Variants in PCDHA1 observed in about 807,000 individuals in gnomAD.
The protein encoded by PCDHA1 is protocadherin alpha-1.
Under a neutral mutation model 61.3 loss-of-function variants are expected in PCDHA1, and 42 were observed. The ratio of observed to expected loss-of-function variants is 0.69; its 90% CI spans 0.54 to 0.89. The LOEUF (loss-of-function observed/expected upper bound fraction) is 0.89. PCDHA1 is among the 40% of genes least tolerant of loss of function. The probability of loss-of-function intolerance (pLI) is 0.00; values close to 1 mark genes in which losing one functional copy is unlikely to be tolerated. For synonymous variants in PCDHA1, 610 were observed against 553.8 expected (o/e 1.10, Z -1.43); for missense variants, 1,256 against 1,235.3 (o/e 1.02, Z -0.25).
chr5:141,006,979 G>T (rs1236461454), intron 3 of PCDHA1, among the ~76,000 whole-genome samples: 1 of 152,156 alleles, frequency 6.6e-6, no homozygotes, highest in Non-Finnish European at 1.5e-5. Context: ...ACAGAGAGAT[G>T]TGGGCTTAAA....
intron 1 of PCDHA1, among the ~76,000 whole-genome samples, chr5:140,790,649 G>T (rs1282599240): frequency 6.6e-6 from 1 of 152,190 alleles, no homozygotes; most frequent in Non-Finnish European, 1.5e-5. Flanking sequence ...GGAAAAAATA[G>T]ATCAGAAAAT....
intron 1 of PCDHA1, among the ~76,000 whole-genome samples, chr5:140,840,357 T>G (rs1554137775): frequency 6.6e-6 from 1 of 151,884 alleles, no homozygotes; most frequent in Non-Finnish European, 1.5e-5. Flanking sequence ...CAGGTAAAAA[T>G]GTCAGGTAGA....
intron 1 of PCDHA1, among the ~76,000 whole-genome samples, chr5:140,900,353 C>T (rs1426808430): frequency 6.6e-6 from 1 of 152,092 alleles, no homozygotes; most frequent in Non-Finnish European, 1.5e-5. Flanking sequence ...TCTTGGCTCA[C>T]CGCAACCTCT....
At chr5:140,880,687 C>G (rs999356626) in intron 1 of PCDHA1, among the ~76,000 whole-genome samples, 1 of 152,130 alleles carries the variant, frequency 6.6e-6, no homozygotes, top group Non-Finnish European at 1.5e-5. Context: ...AGAGAATAGT[C>G]ATGGTTAAGT....
chr5:140,794,012 G>C (rs1476768), intron 1 of PCDHA1, among the ~76,000 whole-genome samples: 1 of 151,946 alleles, frequency 6.6e-6, no homozygotes, highest in Admixed American at 6.6e-5. Context: ...AGTGAAAAAT[G>C]CTAATATATC....
intron 1 of PCDHA1, among the ~76,000 whole-genome samples, chr5:140,826,115 C>T (rs888924864): frequency 6.6e-6 from 1 of 152,076 alleles, no homozygotes; most frequent in South Asian, 2.1e-4. Flanking sequence ...TTTATATATT[C>T]CTAATATCCT....
At position 140,808,892 on chromosome 5, in the gene PCDHA1, C is replaced by A. The variant is rs13189658; in HGVS notation, c.2394+20208C>A. The A allele has an allele frequency of 2.5e-6, 4 of 1,613,376 alleles. 1 individual carries two copies. The highest frequency in any genetic ancestry group is 3.3e-5 in the Admixed American group (2 of 60,014). On this transcript the variant is annotated intron_variant, in intron 1 of 3. Transcript: ENST00000504120. ...CAACGCGCCAGCACTGCTAGCGCCT[C>A]GGGCGGGTGGCACTGGTGGCGCAGT...
At chr5:140,795,160 G>A (rs781848883) in intron 1 of PCDHA1, 1 of 1,613,942 alleles carries the variant, frequency 6.2e-7, no homozygotes, top group African/African-American at 1.3e-5. Context: ...CCTGTTCCGG[G>A]TGGCGTCCAA....
chr5:140,858,539 T>A (rs62384480), intron 1 of PCDHA1: 78,694 of 1,399,008 alleles, frequency 0.056, 7,001 homozygotes, highest in Non-Finnish European at 0.065. Context: ...TTTGTCTACA[T>A]TCCATTTATG....
At chr5:141,000,120 C>G (rs1554257146) in intron 3 of PCDHA1, among the ~76,000 whole-genome samples, 1 of 152,052 alleles carries the variant, frequency 6.6e-6, no homozygotes, top group African/African-American at 2.4e-5. Flanking sequence ...CCCTCATCCC[C>G]AAGGCTTCAC....
chr5:140,935,080 C>G (rs1163743447), intron 1 of PCDHA1, among the ~76,000 whole-genome samples: 2 of 152,076 alleles, frequency 1.3e-5, no homozygotes, highest in Non-Finnish European at 2.9e-5. Context: ...TGTACATTTC[C>G]TTTCCCAGAA....
chr5:140,996,311 G>C lies in PCDHA1; in HGVS notation c.2543-13316G>C, dbSNP rs191577867. On this transcript the variant is annotated intron_variant, in intron 3 of 3. Coordinates refer to ENST00000504120, the MANE Select transcript of PCDHA1 (RefSeq NM_018900.4). ...GAAGCACAGATTGTAACAAAGTAAG[G>C]GGGGAGGGTAGAGAAGAAAAGTTTG... is the stretch of plus-strand genomic sequence containing the variant. 9.0e-4 allele frequency among the ~76,000 whole-genome samples: 137 copies of C among 152,302 alleles called. 1 individual carries two copies. The highest frequency in any genetic ancestry group is 2.8e-3 in the African/African-American group (118 of 41,574).
At chr5:140,808,347 G>A in intron 1 of PCDHA1, 1 of 1,614,224 alleles carries the variant, frequency 6.2e-7, no homozygotes, top group Non-Finnish European at 8.5e-7. Context: ...CTGGTCACCT[G>A]CTCCTTGACG....
At chr5:140,856,691 G>A (rs2044151456) in intron 1 of PCDHA1, 1 of 1,596,420 alleles carries the variant, frequency 6.3e-7, no homozygotes, top group African/African-American at 1.3e-5. Context: ...GACAGCAACT[G>A]ATGGAGGCAA....
rs2150130630 is a variant in PCDHA1, at chr5:140,823,943, C to T, written c.2394+35259C>T. On this transcript the variant is annotated intron_variant, in intron 1 of 3. Coordinates refer to ENST00000504120, the MANE Select transcript of PCDHA1 (RefSeq NM_018900.4). ...CTGCTGTACACCGCGCTGCGGTGCT[C>T]GGCGCAGCCCACCGAGGCCGTGTGC... 6.8e-6 allele frequency: 11 copies of T among 1,613,800 alleles called. No individual in the cohort carries two copies. In the African/African-American group the frequency reaches 8.0e-5, roughly 12 times the overall value.
At chr5:140,942,544 G>A (rs546340510) in intron 1 of PCDHA1, among the ~76,000 whole-genome samples, 105 of 152,118 alleles carry the variant, frequency 6.9e-4, no homozygotes, top group African/African-American at 2.5e-3. Flanking sequence ...TATGGTGGGG[G>A]GTAGGGGGTT....
intron 1 of PCDHA1, among the ~76,000 whole-genome samples, chr5:140,799,821 G>A (rs1202893020): frequency 6.6e-6 from 1 of 152,006 alleles, no homozygotes; most frequent in Non-Finnish European, 1.5e-5. Context: ...TAAATGGTCT[G>A]GGTATAAGCA....
At chr5:140,836,793 TCTC>T in intron 1 of PCDHA1, 5 of 1,403,902 alleles carry the variant, frequency 3.6e-6, no homozygotes, top group Non-Finnish European at 4.9e-6. Context: ...GTTCAATTGG[TCTC>T]CTTAAATTTT....
chr5:140,883,847 G>A (rs782603246), intron 1 of PCDHA1: 3 of 1,612,878 alleles, frequency 1.9e-6, no homozygotes, highest in Non-Finnish European at 8.5e-7. Flanking sequence ...GGACCACGAG[G>A]AGCTGGAGCT....
Sources: allele counts gnomAD v4.1 joint callset (sites outside exome capture counted in the v4.1 genomes callset), GRCh38; gene constraint gnomAD v4.1.1; transcripts MANE v1.5; gene names NCBI Gene and HGNC (gene_info 2026-07-23, HGNC 2026-07-21).